The following ZBTB20 variants were observed in gnomAD, a reference collection of about 807,000 sequenced individuals.
ZBTB20 encodes zinc finger and BTB domain containing 20.
In ZBTB20, 9 loss-of-function variants were observed where a neutral mutation model predicts 56.9. The ratio of observed to expected loss-of-function variants is 0.16; its 90% confidence interval spans 0.10 to 0.28. The LOEUF (loss-of-function observed/expected upper bound fraction) is 0.28. Among genes scored for constraint, ZBTB20 ranks in the 10% least tolerant of loss-of-function variants. ZBTB20 has a pLI of 1.00. For missense variants in ZBTB20, 655 were observed against 1,003.0 expected (o/e 0.65, Z 4.69); for synonymous variants, 417 against 420.7 (o/e 0.99, Z 0.11).
intron 2 of ZBTB20, among the ~76,000 whole-genome samples, chr3:115,064,749 G>A (rs1299949665): frequency 5.9e-5 from 9 of 152,048 alleles, no homozygotes; most frequent in Middle Eastern, 3.4e-3. Context: ...CACCGTGCCC[G>A]GCCTTCTCTC....
intron 6 of ZBTB20, among the ~76,000 whole-genome samples, chr3:114,570,205 A>G (rs994366277): frequency 6.6e-6 from 1 of 151,824 alleles, no homozygotes; most frequent in Admixed American, 6.6e-5. Context: ...TGTGTAAATA[A>G]CCTCTGGGAA....
At chr3:115,042,953 T>C (rs896465864) in intron 2 of ZBTB20, among the ~76,000 whole-genome samples, 2 of 152,188 alleles carry the variant, frequency 1.3e-5, no homozygotes, top group African/African-American at 2.4e-5. Flanking sequence ...CTAAATTAAA[T>C]CTAAGATTTG....
chr3:114,874,417 CAT>C (rs2076119599), intron 4 of ZBTB20, among the ~76,000 whole-genome samples: 1 of 152,144 alleles, frequency 6.6e-6, no homozygotes, highest in African/African-American at 2.4e-5. Context: ...TCTGTAAAAA[CAT>C]ATGAACATAT....
intron 4 of ZBTB20, among the ~76,000 whole-genome samples, chr3:114,861,181 T>C (rs920924669): frequency 1.8e-4 from 28 of 152,186 alleles, no homozygotes; most frequent in Admixed American, 1.6e-3. Flanking sequence ...AGACTTACAC[T>C]GACCATCACA....
At chr3:114,387,209 C>T (rs1185101993) in intron 8 of ZBTB20, 1 of 152,096 alleles carries the variant, frequency 6.6e-6, no homozygotes, top group East Asian at 1.9e-4. Flanking sequence ...AACCCACTTC[C>T]AAGCCTTGTG....
intron 7 of ZBTB20, among the ~76,000 whole-genome samples, chr3:114,491,066 G>A (rs964730490): frequency 6.6e-6 from 1 of 152,140 alleles, no homozygotes; most frequent in Non-Finnish European, 1.5e-5. Context: ...TGTATTTTCT[G>A]TACCAAACAC....
intron 2 of ZBTB20, among the ~76,000 whole-genome samples, chr3:114,996,689 C>T (rs2079041859): frequency 6.6e-6 from 1 of 151,730 alleles, no homozygotes; most frequent in African/African-American, 2.4e-5. Context: ...TTATAACATA[C>T]ACATATGTCT....
At chr3:114,373,923 A>G (rs1056753124) in intron 10 of ZBTB20, among the ~76,000 whole-genome samples, 4 of 152,222 alleles carry the variant, frequency 2.6e-5, no homozygotes, top group Admixed American at 2.0e-4. Context: ...AAGAGGGCCA[A>G]TTTAAAAAAT....
intron 4 of ZBTB20, among the ~76,000 whole-genome samples, chr3:114,806,394 T>C (rs1446472672): frequency 1.3e-5 from 2 of 151,986 alleles, no homozygotes; most frequent in African/African-American, 4.8e-5. Flanking sequence ...CTTTGGTGAA[T>C]AACTTCGGTG....
intron 3 of ZBTB20, among the ~76,000 whole-genome samples, chr3:114,934,337 T>A (rs940387651): frequency 1.3e-5 from 2 of 152,174 alleles, no homozygotes; most frequent in African/African-American, 2.4e-5. Context: ...ATTCCTCAAA[T>A]CTATGCTTAC....
intron 2 of ZBTB20, among the ~76,000 whole-genome samples, chr3:115,060,493 A>G (rs368418087): frequency 5.9e-5 from 9 of 152,264 alleles, no homozygotes; most frequent in African/African-American, 2.2e-4. Context: ...TACTCATCAC[A>G]GGGCATTTAT....
chr3:114,464,213 T>C (rs916539704), intron 7 of ZBTB20, among the ~76,000 whole-genome samples: 45 of 152,316 alleles, frequency 3.0e-4, no homozygotes, highest in African/African-American at 9.1e-4. Context: ...ACATAAAGTG[T>C]CCATAGATAA....
Position 114,385,262 on chromosome 3 carries a change from A to G in ZBTB20, c.-154+3743T>C, listed in dbSNP as rs116378923. 4.7e-3 allele frequency among the ~76,000 whole-genome samples: 718 copies of G among 152,260 alleles called. 6 individuals are homozygous for G. The highest frequency in any genetic ancestry group is 0.015 in the African/African-American group (622 of 41,546). On this transcript the variant is annotated intron_variant, in intron 8 of 11. Transcript: ENST00000675478. Reference sequence around the variant, plus strand: ...ACTCTTTTCCCCAACAATACATTAAATAGGCTTAGTATCTGGGCAGGAGAG... The same window carrying G: ...ACTCTTTTCCCCAACAATACATTAAGTAGGCTTAGTATCTGGGCAGGAGAG...
At chr3:114,404,337 T>C (rs73860251) in intron 7 of ZBTB20, among the ~76,000 whole-genome samples, 32,216 of 152,048 alleles carry the variant, frequency 0.21, 4,560 homozygotes, top group African/African-American at 0.4. Context: ...TATTTATGTC[T>C]TGGCTATTTT....
chr3:115,144,006 C>A (rs1323397397), intron 1 of ZBTB20, among the ~76,000 whole-genome samples: 1 of 152,196 alleles, frequency 6.6e-6, no homozygotes, highest in East Asian at 1.9e-4. Context: ...AATGTAAGCT[C>A]CACAAGGGCA....
rs141938757 is a variant in ZBTB20, at chr3:114,845,019, C to A, written c.-416-43845G>T. ...TATTTTCTTACAGTCTGTGGCTTACCTTTTCATTTTCTTAATAATGTTTTC... is the reference window on the plus strand; with the variant it reads ...TATTTTCTTACAGTCTGTGGCTTACATTTTCATTTTCTTAATAATGTTTTC... On this transcript the variant is annotated intron_variant, in intron 4 of 11. Transcript: ENST00000675478. Among the ~76,000 whole-genome samples the A allele has an allele frequency of 6.8e-4, 103 of 151,748 alleles. 1 individual carries two copies. Among genetic ancestry groups the A allele is most frequent in the Middle Eastern group, 3.4e-3 (1 of 294 alleles).
chr3:115,128,290 G>A (rs777973615), intron 1 of ZBTB20, among the ~76,000 whole-genome samples: 2 of 152,144 alleles, frequency 1.3e-5, no homozygotes, highest in East Asian at 1.9e-4. Context: ...GATTCATTAC[G>A]TGAAAGATAT....
intron 8 of ZBTB20, among the ~76,000 whole-genome samples, chr3:114,381,721 T>A (rs2084366486): frequency 6.6e-6 from 1 of 152,242 alleles, no homozygotes; most frequent in Admixed American, 6.5e-5. Context: ...GGTAGTTAAA[T>A]CTGCCCTCGC....
At chr3:115,091,574 A>G (rs187096761) in intron 1 of ZBTB20, among the ~76,000 whole-genome samples, 1 of 152,038 alleles carries the variant, frequency 6.6e-6, no homozygotes, top group East Asian at 1.9e-4. Context: ...TAAAAGGAAG[A>G]AGGTAATTTA....
Sources: allele counts gnomAD v4.1 joint callset (sites outside exome capture counted in the v4.1 genomes callset), GRCh38; gene constraint gnomAD v4.1.1; transcripts MANE v1.5; gene names NCBI Gene and HGNC (gene_info 2026-07-23, HGNC 2026-07-21).